CTNNA3: variants seen among roughly 807,000 people sequenced by gnomAD.
CTNNA3 encodes the protein catenin alpha 3.
CTNNA3 carries 76 observed loss-of-function variants against 95.7 expected under a neutral mutation model. That is an observed-to-expected ratio of 0.79 (90% CI 0.66 to 0.96). The LOEUF is 0.96. CTNNA3 is among the 40% of genes least tolerant of loss of function. The pLI, the probability that CTNNA3 is intolerant of heterozygous loss-of-function variation, is 0.00. For missense variants in CTNNA3, 1,191 were observed against 1,089.8 expected (o/e 1.09, Z -1.31); for synonymous variants, 431 against 374.4 (o/e 1.15, Z -1.74).
At chr10:66,320,874 G>A (rs755504669) in intron 12 of CTNNA3, among the ~76,000 whole-genome samples, 62 of 152,062 alleles carry the variant, frequency 4.1e-4, no homozygotes, top group Non-Finnish European at 1.9e-4. Context: ...AAGTGGCTGA[G>A]AAAATATTCT....
At chr10:67,373,108 T>A (rs1843544968) in intron 5 of CTNNA3, among the ~76,000 whole-genome samples, 2 of 152,026 alleles carry the variant, frequency 1.3e-5, no homozygotes, top group Admixed American at 1.3e-4. Context: ...AATGACAGGA[T>A]GATTCACACA....
chr10:67,757,855 A>T (rs1217609115), intron 1 of CTNNA3, among the ~76,000 whole-genome samples: 1 of 152,110 alleles, frequency 6.6e-6, no homozygotes, highest in East Asian at 1.9e-4. Flanking sequence ...TTTAATATAT[A>T]CGTCTATCCT....
chr10:66,630,722 T>G (rs1845103163), intron 9 of CTNNA3, among the ~76,000 whole-genome samples: 1 of 152,062 alleles, frequency 6.6e-6, no homozygotes. Flanking sequence ...AGCCCTTCTC[T>G]TTCTCCTAGT....
chr10:66,657,345 C>G (rs1167200038), intron 9 of CTNNA3, among the ~76,000 whole-genome samples: 1 of 152,146 alleles, frequency 6.6e-6, no homozygotes, highest in African/African-American at 2.4e-5. Flanking sequence ...AGCAACCTTA[C>G]TGTGTTCTTG....
intron 7 of CTNNA3, among the ~76,000 whole-genome samples, chr10:66,832,277 G>A (rs1191828731): frequency 6.6e-6 from 1 of 152,126 alleles, no homozygotes; most frequent in Admixed American, 6.6e-5. Flanking sequence ...AGTAGACAGG[G>A]CCTTAATTTT....
intron 15 of CTNNA3, among the ~76,000 whole-genome samples, chr10:66,018,373 C>A (rs2079136364): frequency 6.6e-6 from 1 of 152,054 alleles, no homozygotes; most frequent in Admixed American, 6.6e-5. Flanking sequence ...AGTTTGCATA[C>A]AAACTTCGTG....
At chr10:67,410,040 A>G (rs903880537) in intron 5 of CTNNA3, among the ~76,000 whole-genome samples, 9 of 152,166 alleles carry the variant, frequency 5.9e-5, no homozygotes, top group Admixed American at 3.9e-4. Flanking sequence ...TCATTCTGTA[A>G]TAAGACTCAT....
At chr10:65,924,030 A>G (rs887844197) in intron 17 of CTNNA3, among the ~76,000 whole-genome samples, 1 of 152,168 alleles carries the variant, frequency 6.6e-6, no homozygotes, top group African/African-American at 2.4e-5. Flanking sequence ...TTTTACTTTT[A>G]TTTAAAATGA....
intron 1 of CTNNA3, among the ~76,000 whole-genome samples, chr10:67,688,301 G>A (rs1262623371): frequency 2.0e-5 from 3 of 152,096 alleles, no homozygotes; most frequent in Non-Finnish European, 2.9e-5. Context: ...GTCCTTTGGA[G>A]ATTTCTTTGT....
chr10:66,697,845 A>G (rs562980480), intron 9 of CTNNA3, among the ~76,000 whole-genome samples: 5 of 152,280 alleles, frequency 3.3e-5, no homozygotes, highest in Non-Finnish European at 5.9e-5. Context: ...CTGTGCTAGC[A>G]TATTATCTTT....
At chr10:66,121,563 G>A (rs1213180703) in intron 13 of CTNNA3, among the ~76,000 whole-genome samples, 3 of 152,082 alleles carry the variant, frequency 2.0e-5, no homozygotes, top group Non-Finnish European at 4.4e-5. Context: ...TGGGAAAAAA[G>A]TTGTAGCCAG....
At chr10:66,328,691 A>T (rs1332765780) in intron 12 of CTNNA3, among the ~76,000 whole-genome samples, 2 of 151,486 alleles carry the variant, frequency 1.3e-5, no homozygotes, top group African/African-American at 4.8e-5. Context: ...CCATGCAATT[A>T]TGGAGGCTGA....
At chr10:67,567,779 C>A in intron 3 of CTNNA3, among the ~76,000 whole-genome samples, 1 of 152,036 alleles carries the variant, frequency 6.6e-6, no homozygotes, top group African/African-American at 2.4e-5. Flanking sequence ...AACTGCCTCC[C>A]ATCTATTTTT....
chr10:66,098,333 G>T (rs545533460), intron 14 of CTNNA3, among the ~76,000 whole-genome samples: 1 of 152,216 alleles, frequency 6.6e-6, no homozygotes, highest in South Asian at 2.1e-4. Flanking sequence ...GAGGCCAAAA[G>T]ACCTGCGATT....
Position 66,499,285 on chromosome 10 carries a change from G to T in CTNNA3, c.1531+21332C>A, listed in dbSNP as rs563004241. 3.3e-5 allele frequency among the ~76,000 whole-genome samples: 5 copies of T among 152,212 alleles called. No homozygotes were observed. The South Asian group carries it at 8.3e-4, about 25-fold the overall frequency. ...CATGCAAAATTATCCAGCTGTGTTT[G>T]CATGGACAGCCAAAGAGGAAGGGAC... On this transcript the variant is annotated intron_variant, in intron 11 of 17. Transcript: ENST00000433211.
At chr10:66,630,586 T>C (rs2132342719) in intron 9 of CTNNA3, among the ~76,000 whole-genome samples, 1 of 152,282 alleles carries the variant, frequency 6.6e-6, no homozygotes, top group East Asian at 1.9e-4. Context: ...GCACAGTAAC[T>C]TCCATAGACA....
intron 10 of CTNNA3, among the ~76,000 whole-genome samples, chr10:66,579,078 C>T (rs906329603): frequency 6.6e-6 from 1 of 150,942 alleles, no homozygotes; most frequent in East Asian, 1.9e-4. Context: ...GGGTGAATTT[C>T]CAGGAATTTA....
intron 1 of CTNNA3, among the ~76,000 whole-genome samples, chr10:67,702,207 G>C (rs529685733): frequency 6.6e-6 from 1 of 152,112 alleles, no homozygotes; most frequent in South Asian, 2.1e-4. Flanking sequence ...GTCAACATTA[G>C]ACAGATCAAC....
intron 9 of CTNNA3, among the ~76,000 whole-genome samples, chr10:66,715,839 T>C (rs1278395086): frequency 6.6e-6 from 1 of 151,988 alleles, no homozygotes; most frequent in Non-Finnish European, 1.5e-5. Flanking sequence ...GCCAAAGGAT[T>C]TAAAATAAAA....
Sources: gnomAD v4.1 joint callset for allele counts (sites outside exome capture counted in the v4.1 genomes callset) on GRCh38, gnomAD v4.1.1 for gene constraint, MANE v1.5 for transcripts, NCBI Gene and HGNC (gene_info 2026-07-23, HGNC 2026-07-21) for gene names.